Variants in PDE10A observed in about 807,000 individuals in gnomAD.
PDE10A encodes the protein cAMP and cAMP-inhibited cGMP 3',5'-cyclic phosphodiesterase 10A.
Under a neutral mutation model 97.7 loss-of-function variants are expected in PDE10A, and 39 were observed. That is an observed-to-expected ratio of 0.40 (90% CI 0.31 to 0.52). The LOEUF (loss-of-function observed/expected upper bound fraction) is 0.52, where lower values mean the gene tolerates loss of function less well. Among genes scored for constraint, PDE10A ranks in the 20% least tolerant of loss-of-function variants. The pLI is 0.56. For missense variants in PDE10A, 731 were observed against 1,047.8 expected, an observed-to-expected ratio of 0.70 and a Z score of 4.17; for synonymous variants, 371 against 376.8, an observed-to-expected ratio of 0.98 and a Z score of 0.18.
chr6:165,651,711 A>G (rs1789694692), intron 1 of PDE10A, among the ~76,000 whole-genome samples: 1 of 152,214 alleles, frequency 6.6e-6, no homozygotes, highest in African/African-American at 2.4e-5. Flanking sequence ...CCAAGGCTAG[A>G]AAGGAATTTC....
rs1257352598 is a variant in PDE10A at position 165,819,003 on chromosome 6, C to T, written c.-615+168526G>A. Among the ~76,000 whole-genome samples, 2 of 152,190 alleles carry T rather than the reference C, an allele frequency of 1.3e-5. No individual in the cohort carries two copies. The highest frequency in any genetic ancestry group is 4.8e-5 in the African/African-American group (2 of 41,442). On this transcript the variant is annotated intron_variant, in intron 1 of 19. Transcript: ENST00000366882. The surrounding 1 kb of genome is among the most constrained non-coding windows in gnomAD (Gnocchi z 4.2). Reference sequence around the variant, plus strand: ...TATATAAAATGTAAGGGGTTGAACACGAAGCTTGAAGTGTGGCTAAAAATA... The same window carrying T: ...TATATAAAATGTAAGGGGTTGAACATGAAGCTTGAAGTGTGGCTAAAAATA...
intron 1 of PDE10A, among the ~76,000 whole-genome samples, chr6:165,891,056 G>A (rs181101128): frequency 6.6e-6 from 1 of 152,284 alleles, no homozygotes; most frequent in Non-Finnish European, 1.5e-5. Context: ...TGAGATTGGT[G>A]GTTGAAGCCC....
intron 1 of PDE10A, among the ~76,000 whole-genome samples, chr6:165,741,521 T>A (rs1330527460): frequency 6.6e-6 from 1 of 152,138 alleles, no homozygotes; most frequent in Non-Finnish European, 1.5e-5. Flanking sequence ...ACAATTAATC[T>A]CAAGAGTGAT....
intron 13 of PDE10A, among the ~76,000 whole-genome samples, chr6:165,403,704 A>G (rs959925437): frequency 2.3e-4 from 35 of 152,328 alleles, no homozygotes; most frequent in African/African-American, 8.2e-4. Context: ...CAAGTCCTAA[A>G]ATCAAATACA....
rs141619701 is a variant in PDE10A, at chr6:165,723,726, A to G, written c.-614-180158T>C. On this transcript the variant is annotated intron_variant, in intron 1 of 19. Coordinates refer to the PDE10A transcript ENST00000366882. ...GTAAGGTAGGACGTGAATTTTAACTATCTCATTTTTAGCTCTGTTTACGAC... is the reference window on the plus strand; with the variant it reads ...GTAAGGTAGGACGTGAATTTTAACTGTCTCATTTTTAGCTCTGTTTACGAC... Among the ~76,000 whole-genome samples, 361 of 152,332 alleles carry G rather than the reference A, an allele frequency of 2.4e-3. 4 individuals carry two copies. The highest frequency in any genetic ancestry group is 0.014 in the Middle Eastern group (4 of 294).
At chr6:165,973,476 G>A (rs1189964132) in intron 1 of PDE10A, among the ~76,000 whole-genome samples, 1 of 152,010 alleles carries the variant, frequency 6.6e-6, no homozygotes, top group Non-Finnish European at 1.5e-5. Context: ...CCCTGCATAT[G>A]TTTTGTGAGT....
At chr6:165,686,814 T>A (rs768473512) in intron 1 of PDE10A, among the ~76,000 whole-genome samples, 1 of 152,188 alleles carries the variant, frequency 6.6e-6, no homozygotes, top group Non-Finnish European at 1.5e-5. Context: ...CGGCATCACG[T>A]GCCAGCACCT....
chr6:165,667,777 G>C (rs552678907), upstream of PDE10A, among the ~76,000 whole-genome samples: 4 of 152,064 alleles, frequency 2.6e-5, no homozygotes, highest in African/African-American at 9.6e-5. Context: ...CATAATGGCC[G>C]TATGTAGCCA....
intron 1 of PDE10A, among the ~76,000 whole-genome samples, chr6:165,973,113 G>A (rs1185458801): frequency 1.3e-5 from 2 of 152,084 alleles, no homozygotes; most frequent in Non-Finnish European, 2.9e-5. Context: ...AATACTGGTT[G>A]AGCCCAATCC....
At chr6:165,464,977 T>C (rs749970741) in intron 3 of PDE10A, among the ~76,000 whole-genome samples, 2 of 152,250 alleles carry the variant, frequency 1.3e-5, no homozygotes, top group Non-Finnish European at 2.9e-5. Flanking sequence ...AACATTCTTA[T>C]GGAAGTCTTT....
chr6:165,814,554 A>G (rs1424579821), intron 1 of PDE10A, among the ~76,000 whole-genome samples: 1 of 152,176 alleles, frequency 6.6e-6, no homozygotes, highest in Non-Finnish European at 1.5e-5. Context: ...TCATATTCTT[A>G]AAATTCTGAT....
intron 1 of PDE10A, among the ~76,000 whole-genome samples, chr6:165,877,473 G>A (rs79189953): frequency 0.023 from 3,542 of 152,248 alleles, 136 homozygotes; most frequent in African/African-American, 0.079. Flanking sequence ...GCCCCATTCA[G>A]TTGTTCCCGA....
At chr6:165,861,613 A>G (rs1780907092) in intron 1 of PDE10A, among the ~76,000 whole-genome samples, 1 of 152,058 alleles carries the variant, frequency 6.6e-6, no homozygotes, top group African/African-American at 2.4e-5. Flanking sequence ...ATCCAACAGC[A>G]GTCGCAGGAG....
chr6:165,583,881 T>C (rs779138165), intron 1 of PDE10A, among the ~76,000 whole-genome samples: 35 of 152,206 alleles, frequency 2.3e-4, no homozygotes, highest in Non-Finnish European at 3.8e-4. Flanking sequence ...AAATGTTCAC[T>C]TCCTGTTCCC....
At chr6:165,401,404 T>C (rs191678122) in intron 13 of PDE10A, among the ~76,000 whole-genome samples, 61 of 152,328 alleles carry the variant, frequency 4.0e-4, no homozygotes, top group African/African-American at 1.4e-3. Flanking sequence ...TTAAATGTTA[T>C]TTCTCTGAAT....
At chr6:165,576,254 C>A (rs989222951) in intron 1 of PDE10A, among the ~76,000 whole-genome samples, 1 of 152,108 alleles carries the variant, frequency 6.6e-6, no homozygotes, top group Non-Finnish European at 1.5e-5. Context: ...AAGGTTGGCA[C>A]CAAAAAGAGT....
intron 1 of PDE10A, among the ~76,000 whole-genome samples, chr6:165,613,905 T>C (rs76630125): frequency 0.011 from 1,646 of 152,142 alleles, 27 homozygotes; most frequent in African/African-American, 0.037. Context: ...AACATCTCCC[T>C]CCCGAAACCA....
intron 1 of PDE10A, among the ~76,000 whole-genome samples, chr6:165,817,769 A>G (rs1779459158): frequency 6.6e-6 from 1 of 151,902 alleles, no homozygotes; most frequent in African/African-American, 2.4e-5. Flanking sequence ...AAAATAACAA[A>G]CTCTGAACTC....
At chr6:165,359,994 T>C (rs545588257) in intron 18 of PDE10A, among the ~76,000 whole-genome samples, 1 of 152,298 alleles carries the variant, frequency 6.6e-6, no homozygotes, top group South Asian at 2.1e-4. Flanking sequence ...GCCAGGCTGT[T>C]ACTTCACTAG....
Sources: allele counts gnomAD v4.1 joint callset (sites outside exome capture counted in the v4.1 genomes callset), GRCh38; gene constraint gnomAD v4.1.1; non-coding constraint Gnocchi (gnomAD v3.1); transcripts MANE v1.5; gene names NCBI Gene and HGNC (gene_info 2026-07-23, HGNC 2026-07-21).